Variants in IQGAP2 observed in about 807,000 individuals in gnomAD.
IQGAP2 encodes ras GTPase-activating-like protein IQGAP2.
Under a neutral mutation model 201.3 loss-of-function variants are expected in IQGAP2, and 173 were observed. The ratio of observed to expected loss-of-function variants is 0.86; its 90% CI spans 0.76 to 0.98. The LOEUF is 0.98. Ranked by LOEUF, IQGAP2 falls within the 50% of genes least tolerant of loss-of-function variation. The probability of loss-of-function intolerance (pLI) is 0.00; values close to 1 mark genes in which losing one functional copy is unlikely to be tolerated. For missense variants in IQGAP2, 1,687 were observed against 1,864.8 expected, an observed-to-expected ratio of 0.90 and a Z score of 1.76; for synonymous variants, 675 against 673.9, an observed-to-expected ratio of 1.00 and a Z score of -0.03.
intron 2 of IQGAP2, among the ~76,000 whole-genome samples, chr5:76,487,759 T>C (rs1249893535): frequency 1.3e-5 from 2 of 152,214 alleles, no homozygotes; most frequent in Non-Finnish European, 2.9e-5. Context: ...TGCATCTGTC[T>C]GTTCTCCACT....
intron 2 of IQGAP2, among the ~76,000 whole-genome samples, chr5:76,490,991 T>C (rs1171162370): frequency 1.3e-5 from 2 of 150,928 alleles, no homozygotes; most frequent in Non-Finnish European, 3.0e-5. Context: ...TTTCATCTTT[T>C]TTTTTTTTTT....
At chr5:76,526,929 G>A (rs547687069) in intron 2 of IQGAP2, among the ~76,000 whole-genome samples, 2 of 152,272 alleles carry the variant, frequency 1.3e-5, no homozygotes, top group South Asian at 4.1e-4. Context: ...TTTTCTGGCT[G>A]GCCACTGAGT....
chr5:76,446,667 T>G (rs1014968411), intron 1 of IQGAP2, among the ~76,000 whole-genome samples: 1 of 152,146 alleles, frequency 6.6e-6, no homozygotes, highest in South Asian at 2.1e-4. Context: ...GGTAGTAAGT[T>G]TATAACAAGA....
intron 1 of IQGAP2, among the ~76,000 whole-genome samples, chr5:76,452,194 C>T (rs1365744569): frequency 2.7e-5 from 4 of 147,174 alleles, no homozygotes; most frequent in Non-Finnish European, 4.5e-5. Flanking sequence ...GGATTATAGG[C>T]GTGAGCCACC....
chr5:76,674,695 G>A lies in IQGAP2; in HGVS notation c.3513G>A (p.Thr1171=), dbSNP rs766032873. The A allele has an allele frequency of 1.3e-5, 21 of 1,612,242 alleles. No homozygotes were observed. Among genetic ancestry groups the A allele is most frequent in the Middle Eastern group, 3.3e-4 (2 of 6,082 alleles). The change falls in exon 27 of 36, where the codon ACG becomes ACA. Residue 1171 remains threonine (T), a synonymous_variant. Transcript: ENST00000274364. ...CTATGAACAATTATTTATCAGAGAC[G>A]TATCAGGAATTCAGGTGAGAGGGGC... ...LSSMNNYLSE[T]YQEFRKYFKE...
At chr5:76,656,806 T>A (rs1056793635) in intron 20 of IQGAP2, among the ~76,000 whole-genome samples, 2 of 152,122 alleles carry the variant, frequency 1.3e-5, no homozygotes, top group African/African-American at 4.8e-5. Flanking sequence ...TTCAGCAAAT[T>A]GGGTGCTTTT....
intron 2 of IQGAP2, among the ~76,000 whole-genome samples, chr5:76,506,021 G>A (rs1398864397): frequency 6.6e-6 from 1 of 152,152 alleles, no homozygotes; most frequent in Non-Finnish European, 1.5e-5. Context: ...AGGTTTGGAG[G>A]TTTAAGAAGA....
intron 16 of IQGAP2, among the ~76,000 whole-genome samples, chr5:76,640,435 C>G (rs1162476698): frequency 6.6e-6 from 1 of 152,186 alleles, no homozygotes; most frequent in African/African-American, 2.4e-5. Context: ...TCTCCCACCC[C>G]TTTGTCTTTT....
intron 2 of IQGAP2, among the ~76,000 whole-genome samples, chr5:76,470,623 C>T (rs1466643174): frequency 6.6e-6 from 1 of 152,114 alleles, no homozygotes; most frequent in African/African-American, 2.4e-5. Flanking sequence ...GTTGCCCAGG[C>T]TGGATTCAAA....
At chr5:76,413,464 C>T (rs886181579) in intron 1 of IQGAP2, among the ~76,000 whole-genome samples, 8 of 152,168 alleles carry the variant, frequency 5.3e-5, no homozygotes, top group Non-Finnish European at 8.8e-5. Context: ...CCACCACGCC[C>T]AACTCTAGCC....
intron 1 of IQGAP2, among the ~76,000 whole-genome samples, chr5:76,461,172 C>G (rs1241770669): frequency 1.3e-5 from 2 of 151,838 alleles, no homozygotes; most frequent in Non-Finnish European, 2.9e-5. Context: ...GCCGCCGCAC[C>G]TGGCCTTGAT....
intron 13 of IQGAP2, 106 bp from the exon 14 acceptor site, chr5:76,627,304 A>T: frequency 1.2e-6 from 1 of 818,432 alleles, no homozygotes; most frequent in Non-Finnish European, 2.1e-6. Flanking sequence ...GTTGCTGATT[A>T]AGAATTTGTG....
chr5:76,698,163 G>A lies in IQGAP2; in HGVS notation c.4367+16G>A. The A allele has an allele frequency of 6.5e-7, 1 of 1,537,690 alleles. No individual in the cohort carries two copies. Among genetic ancestry groups the A allele is most frequent in the Non-Finnish European group, 8.9e-7 (1 of 1,118,550 alleles). The stretch of plus-strand genomic sequence containing the variant: ...TAAAAAGAAAGTAAGTTAAAATCAT[G>A]TCATGTTCATTTGTAATGTCATGAT... On this transcript the variant is annotated intron_variant, in intron 33 of 35. Coordinates refer to ENST00000274364, the MANE Select transcript of IQGAP2 (RefSeq NM_006633.5).
At chr5:76,445,471 T>A (rs1753324805) in intron 1 of IQGAP2, among the ~76,000 whole-genome samples, 1 of 151,980 alleles carries the variant, frequency 6.6e-6, no homozygotes, top group African/African-American at 2.4e-5. Context: ...TAACCTTTTT[T>A]TTTTTTTTTT....
intron 1 of IQGAP2, among the ~76,000 whole-genome samples, chr5:76,436,505 ATATATATATATATTTTTTTTTTT>A (rs1752684441): frequency 4.3e-5 from 1 of 23,406 alleles, no homozygotes; most frequent in Admixed American, 6.3e-4. Flanking sequence ...ATATATATAT[ATATATATATATATTTTTTTTTTT>A]TTTTTTTTTT....
At chr5:76,515,319 T>C (rs1037243969) in intron 2 of IQGAP2, among the ~76,000 whole-genome samples, 4 of 152,236 alleles carry the variant, frequency 2.6e-5, no homozygotes, top group African/African-American at 7.2e-5. Context: ...TCTTTGAAGA[T>C]TGAGGAATCT....
chr5:76,615,510 G>A (rs541873066), intron 13 of IQGAP2: 1 of 152,114 alleles, frequency 6.6e-6, no homozygotes, highest in Non-Finnish European at 1.5e-5. Context: ...TTATTGTTTT[G>A]TTGGGCAGTA....
intron 15 of IQGAP2, among the ~76,000 whole-genome samples, chr5:76,633,459 T>C (rs1750869090): frequency 6.6e-6 from 1 of 151,022 alleles, no homozygotes; most frequent in Admixed American, 6.6e-5. Context: ...ATCATTTTTA[T>C]TTTATTGTAA....
chr5:76,517,570 A>G (rs992543238), intron 2 of IQGAP2, among the ~76,000 whole-genome samples: 3 of 151,390 alleles, frequency 2.0e-5, no homozygotes, highest in Admixed American at 6.6e-5. Context: ...GTGCCACTGC[A>G]CACTAGCCTG....
Sources: gnomAD v4.1 joint callset for allele counts (sites outside exome capture counted in the v4.1 genomes callset) on GRCh38, gnomAD v4.1.1 for gene constraint, MANE v1.5 for transcripts, NCBI Gene and HGNC (gene_info 2026-07-23, HGNC 2026-07-21) for gene names.